The following APCDD1L variants were observed in gnomAD, a reference collection of about 807,000 sequenced individuals.
APCDD1L encodes APC down-regulated 1 like.
APCDD1L carries 21 observed loss-of-function variants against 24.2 expected under a neutral mutation model. The ratio of observed to expected loss-of-function variants is 0.87; its 90% CI spans 0.61 to 1.25. The LOEUF (loss-of-function observed/expected upper bound fraction) is 1.25. Ranked by LOEUF, APCDD1L falls within the 50% of genes most tolerant of loss-of-function variation. The pLI is 0.00. For synonymous variants in APCDD1L, 321 were observed against 323.6 expected (o/e 0.99, Z 0.09); for missense variants, 704 against 711.7 (o/e 0.99, Z 0.12).
intron 1 of APCDD1L, among the ~76,000 whole-genome samples, chr20:58,471,935 G>A (rs1409067113): frequency 6.6e-6 from 1 of 152,172 alleles, no homozygotes; most frequent in African/African-American, 2.4e-5. Context: ...GGGCCTGGCA[G>A]TAACTTCAGG....
intron 1 of APCDD1L, among the ~76,000 whole-genome samples, chr20:58,474,423 G>A (rs960122975): frequency 1.3e-5 from 2 of 152,206 alleles, no homozygotes; most frequent in Admixed American, 6.5e-5. Context: ...TACCATCTTG[G>A]CTGGGCACGG....
chr20:58,494,350 T>G lies in APCDD1L; in HGVS notation c.49+20309A>C, dbSNP rs1224565666. On this transcript the variant is annotated intron_variant, in intron 1 of 3. Coordinates refer to ENST00000371149, the MANE Select transcript of APCDD1L (RefSeq NM_153360.3). The surrounding 1 kb of genome is among the most constrained non-coding windows in gnomAD (Gnocchi z 4.8). ...TCCTTTCCTTTCTTTTCTTTCCTTT[T>G]TTCTTGAGTCAGGGTTTCATTCTGT... is the stretch of plus-strand genomic sequence containing the variant. 6.6e-6 allele frequency among the ~76,000 whole-genome samples: 1 copy of G among 152,178 alleles called. No homozygotes were observed. Among genetic ancestry groups the G allele is most frequent in the Non-Finnish European group, 1.5e-5 (1 of 68,032 alleles).
intron 1 of APCDD1L, among the ~76,000 whole-genome samples, chr20:58,499,537 C>T (rs1469881881): frequency 6.6e-6 from 1 of 152,210 alleles, no homozygotes; most frequent in African/African-American, 2.4e-5. Flanking sequence ...CACCCCATTC[C>T]CACTTCCTTG....
intron 1 of APCDD1L, among the ~76,000 whole-genome samples, chr20:58,505,276 G>C (rs1370586873): frequency 6.6e-6 from 1 of 151,836 alleles, no homozygotes; most frequent in Non-Finnish European, 1.5e-5. Context: ...TGTTGCCCAG[G>C]CTCATCTTGA....
chr20:58,484,968 G>A (rs866725733), intron 1 of APCDD1L, among the ~76,000 whole-genome samples: 103 of 118,264 alleles, frequency 8.7e-4, no homozygotes, highest in African/African-American at 3.1e-3. Flanking sequence ...TTTTTTTTAT[G>A]AATGCAATCT....
intron 1 of APCDD1L, among the ~76,000 whole-genome samples, chr20:58,486,803 G>T (rs1990124700): frequency 6.8e-6 from 1 of 146,158 alleles, no homozygotes; most frequent in South Asian, 2.2e-4. Context: ...TCTATTAAAT[G>T]ACCTTCTAAA....
rs1480059538 is a variant in APCDD1L at position 58,460,143 on chromosome 20, G to GA, written c.*646dup. 2.6e-5 allele frequency: 4 copies of GA among 152,276 alleles called. No individual in the cohort carries two copies. Among genetic ancestry groups the GA allele is most frequent in the African/African-American group, 9.6e-5 (4 of 41,456 alleles). 9.4% of individuals were successfully genotyped at this position (152,276 alleles called of 1,614,324 possible). A position where few individuals can be genotyped will look rare whatever the true frequency, so the allele number is the denominator to read the frequency against. ...TTGGCAGCTTGAGGTCCGACTCGCA[G>GA]AAGCACAGGCAAATGCAGACGAATG... On this transcript the variant is annotated 3_prime_UTR_variant, in exon 4 of 4. Transcript: ENST00000371149. The surrounding 1 kb of genome is among the most constrained non-coding windows in gnomAD (Gnocchi z 4.2).
intron 1 of APCDD1L, among the ~76,000 whole-genome samples, chr20:58,490,948 G>T (rs1990214696): frequency 6.6e-6 from 1 of 152,176 alleles, no homozygotes; most frequent in Non-Finnish European, 1.5e-5. Flanking sequence ...TCCATGTTGG[G>T]TCTATCCTAA....
Position 58,515,023 on chromosome 20 carries a change from C to G in APCDD1L, c.-316G>C, listed in dbSNP as rs1424075827. 1 of 282,028 alleles carries G rather than the reference C, an allele frequency of 3.5e-6. No homozygotes were observed. Among genetic ancestry groups the G allele is most frequent in the East Asian group, 6.0e-5 (1 of 16,754 alleles). The allele number at this position is 282,028 out of a possible 1,614,324, so 17.5% of individuals were successfully genotyped here. ...CCTGCCATTCAGACCCCCAGCCCTC[C>G]CCCAGATGTCCGTCCCCTGGCCGTC... On this transcript the variant is annotated 5_prime_UTR_variant, in exon 1 of 4. Transcript: ENST00000371149.
Position 58,497,892 on chromosome 20 carries a change from C to T in APCDD1L, c.49+16767G>A, listed in dbSNP as rs1168021449. On this transcript the variant is annotated intron_variant, in intron 1 of 3. Transcript: ENST00000371149. This position sits in a 1 kb window ranked among gnomAD's most constrained non-coding sequence, Gnocchi z 4.3. ...ATGCAGAGAAGCAGAATTCCCTGTA[C>T]ACACACCTCAATCATTTCTCTCCCT... Among the ~76,000 whole-genome samples the T allele has an allele frequency of 6.6e-6, 1 of 152,160 alleles. No individual in the cohort carries two copies. Among genetic ancestry groups the T allele is most frequent in the Non-Finnish European group, 1.5e-5 (1 of 68,040 alleles).
At chr20:58,513,235 G>A (rs942063600) in intron 1 of APCDD1L, among the ~76,000 whole-genome samples, 4 of 152,138 alleles carry the variant, frequency 2.6e-5, no homozygotes, top group Non-Finnish European at 4.4e-5. Flanking sequence ...CAGCAGAGGC[G>A]CGCTTCCACA....
chr20:58,477,338 T>C (rs1989929677), intron 1 of APCDD1L, among the ~76,000 whole-genome samples: 1 of 152,244 alleles, frequency 6.6e-6, no homozygotes, highest in South Asian at 2.1e-4. Context: ...TCTTCTCTTT[T>C]TGTCTTCTAC....
At position 58,461,435 on chromosome 20, in the gene APCDD1L, C is replaced by T. The variant is rs747444808; in HGVS notation, c.861G>A (p.Ser287=). The T allele has an allele frequency of 4.6e-6, 7 of 1,515,348 alleles. No homozygotes were observed. Among genetic ancestry groups the T allele is most frequent in the South Asian group, 2.6e-5 (2 of 77,260 alleles). 93.9% of individuals were successfully genotyped at this position (1,515,348 alleles called of 1,614,324 possible). A position where few individuals can be genotyped will look rare whatever the true frequency, so the allele number is the denominator to read the frequency against. The change falls in exon 4 of 4, where the codon TCG becomes TCA. Residue 287 remains serine, a synonymous_variant. Transcript: ENST00000371149. The surrounding 1 kb of genome is among the most constrained non-coding windows in gnomAD (Gnocchi z 6.0). ...PLHLGGWWVS[S]GCEVRPAVLF... is the part of the protein sequence containing the mutation. ...GGACTGCTGGGCGCACCTCGCACCC[C>T]GAGCTGACCCACCAGCCGCCCAGGT...
At chr20:58,498,731 C>T (rs147354685) in intron 1 of APCDD1L, among the ~76,000 whole-genome samples, 1 of 152,350 alleles carries the variant, frequency 6.6e-6, no homozygotes, top group Non-Finnish European at 1.5e-5. Context: ...TCCCTGGTTG[C>T]GGGTGCTGAG....
At chr20:58,486,748 G>T (rs1346373549) in intron 1 of APCDD1L, among the ~76,000 whole-genome samples, 1 of 145,442 alleles carries the variant, frequency 6.9e-6, no homozygotes, top group African/African-American at 2.6e-5. Context: ...GCAAAACAAA[G>T]ACATTTTCAA....
Position 58,460,613 on chromosome 20 carries a change from A to T in APCDD1L, c.*177T>A. 1 of 740,648 alleles carries T rather than the reference A, an allele frequency of 1.4e-6. No homozygotes were observed. The highest frequency in any genetic ancestry group is 2.0e-6 in the Non-Finnish European group (1 of 509,724). The allele number at this position is 740,648 out of a possible 1,614,324, so 45.9% of individuals were successfully genotyped here. On this transcript the variant is annotated 3_prime_UTR_variant, in exon 4 of 4. Coordinates refer to ENST00000371149, the MANE Select transcript of APCDD1L (RefSeq NM_153360.3). This position sits in a 1 kb window ranked among gnomAD's most constrained non-coding sequence, Gnocchi z 4.2. ...CTGTGGGATGTGGTATAGGCTTTGC[A>T]GGGGTTAAGCTCATGTCCTGAGCCA...
chr20:58,496,693 C>G (rs868057774), intron 1 of APCDD1L, among the ~76,000 whole-genome samples: 26 of 152,200 alleles, frequency 1.7e-4, no homozygotes, highest in African/African-American at 5.3e-4. Context: ...CCAGAGCAGG[C>G]CCTGAGGCTC....
intron 3 of APCDD1L, among the ~76,000 whole-genome samples, chr20:58,464,856 C>CTT (rs11415092): frequency 1.9e-3 from 272 of 146,482 alleles, no homozygotes; most frequent in South Asian, 2.8e-3. Context: ...TTCTTTCTTT[C>CTT]TTTTTTTTTT....
chr20:58,502,279 T>C (rs1990450365), intron 1 of APCDD1L, among the ~76,000 whole-genome samples: 1 of 152,138 alleles, frequency 6.6e-6, no homozygotes, highest in Non-Finnish European at 1.5e-5. Flanking sequence ...TTTTGTATTT[T>C]TAGTAGAAAG....
Sources: gnomAD v4.1 joint callset for allele counts (sites outside exome capture counted in the v4.1 genomes callset) on GRCh38, gnomAD v4.1.1 for gene constraint, Gnocchi (gnomAD v3.1) non-coding constraint, MANE v1.5 for transcripts, NCBI Gene and HGNC (gene_info 2026-07-23, HGNC 2026-07-21) for gene names.